CFAP251: variants seen among roughly 807,000 people sequenced by gnomAD.
The protein encoded by CFAP251 is cilia- and flagella-associated protein 251.
CFAP251 carries 93 observed loss-of-function variants against 126.7 expected under a neutral mutation model. That is an observed-to-expected ratio of 0.73 (90% CI 0.62 to 0.87). The LOEUF (loss-of-function observed/expected upper bound fraction) is 0.87. Ranked by LOEUF, CFAP251 falls within the 40% of genes least tolerant of loss-of-function variation. The pLI, the probability that CFAP251 is intolerant of heterozygous loss-of-function variation, is 0.00. For missense variants in CFAP251, 1,287 were observed against 1,389.2 expected (o/e 0.93, Z 1.17); for synonymous variants, 503 against 506.9 (o/e 0.99, Z 0.10).
At position 121,988,892 on chromosome 12, in the gene CFAP251, C is replaced by T. The variant is rs570372561; in HGVS notation, c.3007-10824C>T. On this transcript the variant is annotated intron_variant, in intron 19 of 21. Transcript: ENST00000288912. ...CTGGGACTACAGGTGCCCGCCCCCA[C>T]GCCCAGCTAATTTTTGTATTTTTAG... Among the ~76,000 whole-genome samples the T allele has an allele frequency of 5.3e-5, 8 of 152,022 alleles. No homozygotes were observed. In the South Asian group the frequency reaches 6.3e-4, roughly 12 times the overall value.
chr12:121,992,571 C>CT (rs984804245), intron 19 of CFAP251: 3,871 of 788,950 alleles, frequency 4.9e-3, no homozygotes, highest in Non-Finnish European at 5.3e-3. Flanking sequence ...TATATTATTT[C>CT]TTTTTTTTTT....
chr12:121,972,214 C>G (rs914132516), intron 17 of CFAP251: 5 of 157,286 alleles, frequency 3.2e-5, no homozygotes, highest in Non-Finnish European at 7.0e-5. Context: ...GAGGTTGGAA[C>G]AGTTTGGAGG....
chr12:122,001,087 C>T (rs1479459123), intron 20 of CFAP251, among the ~76,000 whole-genome samples: 6 of 140,072 alleles, frequency 4.3e-5, no homozygotes, highest in Admixed American at 1.5e-4. Context: ...GACAGAGTCT[C>T]GCTCTGTTGC....
At chr12:121,993,655 C>G (rs1161441279) in intron 19 of CFAP251, among the ~76,000 whole-genome samples, 2 of 139,856 alleles carry the variant, frequency 1.4e-5, no homozygotes, top group Non-Finnish European at 1.6e-5. Flanking sequence ...TCTGCCCGGC[C>G]GAGACCCCGT....
In CFAP251 at chr12:121,958,379, C is replaced by A; in HGVS notation, c.1838C>A (p.Ser613Tyr). The A allele has an allele frequency of 6.2e-7, 1 of 1,614,262 alleles. No individual in the cohort carries two copies. Among genetic ancestry groups the A allele is most frequent in the South Asian group, 1.1e-5 (1 of 91,090 alleles). Residue 613 changes from serine to tyrosine, a missense_variant, in exon 12 of 22, where the codon TCC (serine) becomes TAC (tyrosine). Coordinates refer to ENST00000288912, the MANE Select transcript of CFAP251 (RefSeq NM_144668.6). ...VEPKDAICAI[S>Y]CHPYQPLIAI... ...CCCAAGGATGCCATTTGTGCCATCT[C>A]CTGCCACCCATATCAACCCCTCATT... is the stretch of plus-strand genomic sequence containing the variant.
At chr12:121,954,650 A>AC (rs1460078596) in intron 10 of CFAP251, among the ~76,000 whole-genome samples, 127 of 148,396 alleles carry the variant, frequency 8.6e-4, no homozygotes, top group African/African-American at 2.8e-3. Context: ...AAAAAAAAAA[A>AC]AAAAAAAAAA....
intron 17 of CFAP251, chr12:121,969,369 T>C (rs1565917472): frequency 1.0e-6 from 1 of 985,254 alleles, no homozygotes; most frequent in Non-Finnish European, 1.2e-6. Flanking sequence ...AGGTGAACTC[T>C]CCTATTGAAA....
At chr12:121,955,341 A>G (rs1881690203) in intron 10 of CFAP251, among the ~76,000 whole-genome samples, 1 of 152,190 alleles carries the variant, frequency 6.6e-6, no homozygotes, top group South Asian at 2.1e-4. Flanking sequence ...GATCAAATGC[A>G]TCAAAACTCT....
At chr12:121,924,084 A>T in intron 3 of CFAP251, 94 bp downstream of exon 3, 1 of 1,384,582 alleles carries the variant, frequency 7.2e-7, no homozygotes, top group Non-Finnish European at 9.7e-7. Flanking sequence ...GAATACCACC[A>T]GAAGGATACT....
chr12:121,967,510 G>A (rs1191374653), intron 16 of CFAP251, among the ~76,000 whole-genome samples: 1 of 152,148 alleles, frequency 6.6e-6, no homozygotes, highest in African/African-American at 2.4e-5. Flanking sequence ...AGACCATCCT[G>A]GCTAACACGG....
chr12:121,934,138 G>A lies in CFAP251; in HGVS notation c.889-109G>A, dbSNP rs946653213. Reference sequence around the variant, plus strand: ...GGGAACAGAATTTCCAGCCAGATGAGCGTTGAAAGGAGCTCAGATCTTTCT... The same window carrying A: ...GGGAACAGAATTTCCAGCCAGATGAACGTTGAAAGGAGCTCAGATCTTTCT... On this transcript the variant is annotated intron_variant, in intron 4 of 21. Transcript: ENST00000288912. 8.6e-5 allele frequency: 64 copies of A among 748,146 alleles called. No homozygotes were observed. In the African/African-American group the frequency reaches 9.2e-4, roughly 11 times the overall value. The allele number at this position is 748,146 out of a possible 1,614,324, so 46.3% of individuals were successfully genotyped here. A position where few individuals can be genotyped will look rare whatever the true frequency, so the allele number is the denominator to read the frequency against.
At chr12:121,934,776 T>C (rs1043755276) in intron 5 of CFAP251, among the ~76,000 whole-genome samples, 8 of 152,184 alleles carry the variant, frequency 5.3e-5, no homozygotes, top group African/African-American at 1.9e-4. Context: ...TTCTCTGCAG[T>C]CTCTCTCTAA....
chr12:121,983,065 T>TGCTAATAAACAATTA (rs1434286446), intron 19 of CFAP251, among the ~76,000 whole-genome samples: 1 of 152,160 alleles, frequency 6.6e-6, no homozygotes, highest in East Asian at 1.9e-4. Flanking sequence ...GACCCGTCTC[T>TGCTAATAAACAATTA]GCTAATAAAC....
intron 19 of CFAP251, 89 bp from the exon 20 acceptor site, chr12:121,999,627 C>A: frequency 9.9e-7 from 1 of 1,013,966 alleles, no homozygotes; most frequent in Non-Finnish European, 1.4e-6. Context: ...TGAGCCGCTG[C>A]ACCAGCCCTA....
rs889775318 is a variant in CFAP251, at chr12:121,988,712, TTTG to T, written c.3007-10994_3007-10992del. On this transcript the variant is annotated intron_variant, in intron 19 of 21. Transcript: ENST00000288912. ...GCTGTGAACATTCGTGTGCAAGTTT[TTTG>T]TTGTTGTTGGATTTTTTTTTCTTTT... 7.2e-5 allele frequency among the ~76,000 whole-genome samples: 11 copies of T among 152,198 alleles called. No homozygotes were observed. In the East Asian group the frequency reaches 7.7e-4, roughly 11 times the overall value.
intron 16 of CFAP251, 35 bp downstream of exon 16, chr12:121,967,104 ACT>A (rs1882169747): frequency 6.4e-7 from 1 of 1,574,374 alleles, no homozygotes; most frequent in Non-Finnish European, 8.7e-7. Context: ...CTGGGAGTTG[ACT>A]CTGTGTGTCA....
chr12:121,968,899 G>A, intron 17 of CFAP251: 1 of 985,432 alleles, frequency 1.0e-6, no homozygotes, highest in South Asian at 4.7e-5. Flanking sequence ...ATTTGCTTAT[G>A]AGCTCAGAAT....
At chr12:121,993,346 G>A (rs1340322773) in intron 19 of CFAP251, among the ~76,000 whole-genome samples, 1 of 113,012 alleles carries the variant, frequency 8.8e-6, no homozygotes, top group Non-Finnish European at 1.8e-5. Flanking sequence ...GCCTGCCTTG[G>A]CCTCCCAAAG....
chr12:122,001,944 C>A (rs973459363), intron 21 of CFAP251: 1 of 284,144 alleles, frequency 3.5e-6, no homozygotes, highest in Admixed American at 4.0e-5. Context: ...ACTTGGGGGC[C>A]AGGCACCATG....
Sources: allele counts gnomAD v4.1 joint callset (sites outside exome capture counted in the v4.1 genomes callset), GRCh38; gene constraint gnomAD v4.1.1; transcripts MANE v1.5; gene names NCBI Gene and HGNC (gene_info 2026-07-23, HGNC 2026-07-21).